Variants in THRB observed in about 807,000 individuals in gnomAD.
THRB encodes the protein nuclear receptor subfamily 1 group A member 2.
Under a neutral mutation model 47.8 loss-of-function variants are expected in THRB, and 12 were observed. The observed-to-expected ratio is 0.25, with a 90% CI of 0.16 to 0.41. THRB has a LOEUF of 0.41. Among genes scored for constraint, THRB ranks in the 10% least tolerant of loss-of-function variants. The pLI is 1.00. For synonymous variants in THRB, 218 were observed against 212.2 expected (o/e 1.03, Z -0.24); for missense variants, 348 against 589.2 (o/e 0.59, Z 4.24).
chr3:24,231,105 C>T (rs2048217044), intron 3 of THRB, among the ~76,000 whole-genome samples: 2 of 152,298 alleles, frequency 1.3e-5, no homozygotes, highest in African/African-American at 4.8e-5. Flanking sequence ...CTTGGATGCC[C>T]TCAGTAAAAT....
At chr3:24,393,353 A>G (rs1447467989) in intron 1 of THRB, among the ~76,000 whole-genome samples, 2 of 152,152 alleles carry the variant, frequency 1.3e-5, no homozygotes, top group Non-Finnish European at 2.9e-5. Flanking sequence ...ACAGAGTTTT[A>G]CACACTCGTC....
At chr3:24,273,609 T>C (rs973225604) in intron 3 of THRB, among the ~76,000 whole-genome samples, 1 of 152,256 alleles carries the variant, frequency 6.6e-6, no homozygotes. Context: ...CATAACTTAG[T>C]TGGTGGCAGA....
At position 24,360,589 on chromosome 3, in the gene THRB, G is replaced by C. The variant is rs142132594; in HGVS notation, c.-260-23218C>G. On this transcript the variant is annotated intron_variant, in intron 1 of 10. Coordinates refer to ENST00000646209, the MANE Select transcript of THRB (RefSeq NM_001354712.2). ...CAACTTTTTAAAAATGCTAATGCCT[G>C]AGCACCTTTTCTTCCTCCCAATTCC... Among the ~76,000 whole-genome samples, 332 of 152,222 alleles carry C rather than the reference G, an allele frequency of 2.2e-3. 2 individuals are homozygous for C. The highest frequency in any genetic ancestry group is 7.8e-3 in the African/African-American group (324 of 41,544).
intron 1 of THRB, chr3:24,458,792 AC>A (rs1360104896): frequency 6.6e-6 from 1 of 152,166 alleles, no homozygotes; most frequent in Non-Finnish European, 1.5e-5. Flanking sequence ...TAGTCACATT[AC>A]AGAAAAGATA....
intron 9 of THRB, 112 bp downstream of exon 9, chr3:24,133,204 A>C: frequency 7.9e-7 from 1 of 1,261,768 alleles, no homozygotes; most frequent in South Asian, 1.3e-5. Context: ...CGTTGCTTTC[A>C]TATGATTAAG....
chr3:24,181,938 G>C (rs984941026), intron 5 of THRB, among the ~76,000 whole-genome samples: 4 of 152,014 alleles, frequency 2.6e-5, no homozygotes, highest in African/African-American at 9.7e-5. Flanking sequence ...GCGGTGGCTC[G>C]TGCCTGTAAT....
At chr3:24,314,878 G>T (rs1392322393) in intron 2 of THRB, among the ~76,000 whole-genome samples, 5 of 152,066 alleles carry the variant, frequency 3.3e-5, no homozygotes, top group South Asian at 4.1e-4. Flanking sequence ...TTCCTGCAGG[G>T]TCTTATTTCA....
intron 3 of THRB, among the ~76,000 whole-genome samples, chr3:24,230,292 T>C (rs1345164054): frequency 1.3e-5 from 2 of 152,214 alleles, no homozygotes; most frequent in African/African-American, 4.8e-5. Flanking sequence ...GTAATCTCTT[T>C]ATGGCAGAGA....
chr3:24,202,938 G>A (rs1487835187), intron 4 of THRB, among the ~76,000 whole-genome samples: 1 of 152,196 alleles, frequency 6.6e-6, no homozygotes, highest in Non-Finnish European at 1.5e-5. Context: ...GGGAAGTGCT[G>A]CACTTGGAAT....
At chr3:24,219,708 G>GA (rs1335518677) in intron 4 of THRB, among the ~76,000 whole-genome samples, 11 of 152,238 alleles carry the variant, frequency 7.2e-5, no homozygotes, top group East Asian at 1.9e-4. Context: ...ATTTTCTGTG[G>GA]AAAAAACAAA....
chr3:24,352,530 A>T (rs1185447690), intron 1 of THRB, among the ~76,000 whole-genome samples: 2 of 152,186 alleles, frequency 1.3e-5, no homozygotes, highest in Admixed American at 6.6e-5. Flanking sequence ...GCCTTCACAG[A>T]TGTCTACAGG....
intron 1 of THRB, among the ~76,000 whole-genome samples, chr3:24,396,726 G>A (rs2066994196): frequency 6.6e-6 from 1 of 152,126 alleles, no homozygotes. Context: ...TCAAAAAGGT[G>A]TTTTGAAATA....
At chr3:24,285,887 C>T (rs1442455032) in intron 3 of THRB, among the ~76,000 whole-genome samples, 4 of 152,080 alleles carry the variant, frequency 2.6e-5, no homozygotes, top group Admixed American at 1.3e-4. Flanking sequence ...TTCCTCTGCC[C>T]AAATCCACAT....
chr3:24,343,919 ATTATATATTATTTAT>A (rs1398091789), intron 1 of THRB, among the ~76,000 whole-genome samples: 3 of 144,274 alleles, frequency 2.1e-5, no homozygotes, highest in African/African-American at 7.9e-5. Context: ...TTATTTATAT[ATTATATATTATTTAT>A]TTATATATTA....
At chr3:24,149,940 A>G (rs1168673099) in intron 6 of THRB, among the ~76,000 whole-genome samples, 1 of 152,250 alleles carries the variant, frequency 6.6e-6, no homozygotes, top group Non-Finnish European at 1.5e-5. Context: ...ATAAATCAAT[A>G]TCAGACATGT....
chr3:24,163,571 T>G (rs1037404227), intron 5 of THRB, among the ~76,000 whole-genome samples: 3 of 152,214 alleles, frequency 2.0e-5, no homozygotes, highest in Admixed American at 6.5e-5. Flanking sequence ...GTATGTTTAA[T>G]GAGGCAATGT....
chr3:24,448,970 A>G (rs897806133), intron 1 of THRB, among the ~76,000 whole-genome samples: 2 of 152,210 alleles, frequency 1.3e-5, no homozygotes, highest in East Asian at 3.9e-4. Flanking sequence ...CAGCCAAAAT[A>G]AGGTCAAGGA....
intron 3 of THRB, among the ~76,000 whole-genome samples, chr3:24,270,896 G>T (rs945730010): frequency 5.3e-5 from 8 of 152,144 alleles, no homozygotes; most frequent in Admixed American, 2.6e-4. Flanking sequence ...AAATGTTTAG[G>T]ATTCTACCTA....
At chr3:24,274,652 A>C (rs2053714698) in intron 3 of THRB, among the ~76,000 whole-genome samples, 1 of 152,050 alleles carries the variant, frequency 6.6e-6, no homozygotes, top group Non-Finnish European at 1.5e-5. Context: ...TATATATGAC[A>C]TACAAAGCAG....
Sources: gnomAD v4.1 joint callset for allele counts (sites outside exome capture counted in the v4.1 genomes callset) on GRCh38, gnomAD v4.1.1 for gene constraint, MANE v1.5 for transcripts, NCBI Gene and HGNC (gene_info 2026-07-23, HGNC 2026-07-21) for gene names.